EEIG1: variants seen among roughly 807,000 people sequenced by gnomAD.
EEIG1 encodes estrogen-induced osteoclastogenesis regulator 1, also known as early estrogen-induced gene 1 protein.
the EEIG1 span, among the ~76,000 whole-genome samples, chr9:127,952,992 T>C: frequency 6.6e-6 from 1 of 152,152 alleles, no homozygotes. Flanking sequence ...GCCAGGATTA[T>C]AGGCGTGAGC....
chr9:127,953,630 G>C, the EEIG1 span: 4 of 1,613,840 alleles, frequency 2.5e-6, no homozygotes, highest in Non-Finnish European at 3.4e-6. Flanking sequence ...GACACAAGCA[G>C]CAAGTTGACT....
At chr9:127,963,035 G>C in the EEIG1 span, among the ~76,000 whole-genome samples, 1 of 152,200 alleles carries the variant, frequency 6.6e-6, no homozygotes, top group Admixed American at 6.5e-5. Flanking sequence ...CAGGCTCCCT[G>C]GCCAAGCAGC....
the EEIG1 span, chr9:127,944,514 A>T: frequency 1.2e-6 from 1 of 826,148 alleles, no homozygotes; most frequent in Non-Finnish European, 2.0e-6. Flanking sequence ...CACTGTGGCG[A>T]CAAGATTTGG....
the EEIG1 span, chr9:127,953,930 G>A: frequency 6.2e-7 from 1 of 1,613,478 alleles, no homozygotes; most frequent in Non-Finnish European, 8.5e-7. Context: ...TCCTCCCTGT[G>A]GGCCAGAGGC....
chr9:127,979,005 A>C, the EEIG1 span, among the ~76,000 whole-genome samples: 1 of 152,050 alleles, frequency 6.6e-6, no homozygotes, highest in Non-Finnish European at 1.5e-5. Flanking sequence ...CAACAGAGTT[A>C]AATCGCGTCC....
At chr9:127,946,330 G>T in the EEIG1 span, among the ~76,000 whole-genome samples, 46 of 152,340 alleles carry the variant, frequency 3.0e-4, no homozygotes, top group Admixed American at 5.2e-4. Context: ...TCACCCATAA[G>T]CCCAACTTCA....
the EEIG1 span, chr9:127,945,739 G>C: frequency 6.4e-7 from 1 of 1,568,950 alleles, no homozygotes. This position sits in a 1 kb window ranked among gnomAD's most constrained non-coding sequence, Gnocchi z 6.5. Context: ...TTCTGGTCGG[G>C]TTCCTCTGGC....
the EEIG1 span, chr9:127,950,298 C>T: frequency 1.1e-6 from 1 of 950,222 alleles, no homozygotes; most frequent in Non-Finnish European, 1.6e-6. Context: ...TCGCCCCTTC[C>T]CGATGTCTAC....
the EEIG1 span, among the ~76,000 whole-genome samples, chr9:127,971,335 G>A: frequency 6.6e-6 from 1 of 152,110 alleles, no homozygotes; most frequent in Non-Finnish European, 1.5e-5. Context: ...CGTGCTTGGA[G>A]TCAGGCCCCA....
At chr9:127,961,475 C>T in the EEIG1 span, among the ~76,000 whole-genome samples, 2 of 152,190 alleles carry the variant, frequency 1.3e-5, no homozygotes, top group African/African-American at 2.4e-5. Flanking sequence ...TTGATCCATT[C>T]AGAAACCTTT....
chr9:127,968,590 G>A, the EEIG1 span, among the ~76,000 whole-genome samples: 655 of 152,312 alleles, frequency 4.3e-3, 5 homozygotes, highest in African/African-American at 0.015. Flanking sequence ...CACCTTCATG[G>A]AAGGGTAGGG....
At chr9:127,970,427 C>T in the EEIG1 span, among the ~76,000 whole-genome samples, 356 of 152,282 alleles carry the variant, frequency 2.3e-3, 1 homozygote, top group African/African-American at 8.0e-3. Flanking sequence ...CCGCATCATA[C>T]ACTCTTTTGT....
the EEIG1 span, chr9:127,963,579 C>G: frequency 1.3e-5 from 2 of 152,356 alleles, no homozygotes; most frequent in East Asian, 1.9e-4. Flanking sequence ...CTGGAAACAG[C>G]AGAACACCCC....
the EEIG1 span, among the ~76,000 whole-genome samples, chr9:127,967,977 CTTT>C: frequency 9.6e-3 from 957 of 99,242 alleles, 4 homozygotes; most frequent in Non-Finnish European, 0.01. Context: ...TTCCCCAGGT[CTTT>C]TTTTTTTTTT....
At chr9:127,953,586 C>A in the EEIG1 span, 6 of 1,614,124 alleles carry the variant, frequency 3.7e-6, no homozygotes, top group Non-Finnish European at 5.1e-6. Context: ...TTGGAATAAG[C>A]CTTCCCGCCT....
chr9:127,971,159 C>A, the EEIG1 span, among the ~76,000 whole-genome samples: 2 of 152,240 alleles, frequency 1.3e-5, no homozygotes, highest in South Asian at 2.1e-4. Context: ...GCCACCTCCT[C>A]TCTGGGCAGG....
chr9:127,979,865 G>T, the EEIG1 span: 3 of 1,207,928 alleles, frequency 2.5e-6, no homozygotes, highest in Non-Finnish European at 3.4e-6. Flanking sequence ...TGTGCAACCT[G>T]CCCCAGGCAC....
chr9:127,944,829 G>A, the EEIG1 span: 16 of 1,612,178 alleles, frequency 9.9e-6, no homozygotes, highest in South Asian at 8.8e-5. Context: ...TCTTCTCCAC[G>A]ATGGCATCCG....
At chr9:127,980,107 T>C in the EEIG1 span, 2 of 1,613,498 alleles carry the variant, frequency 1.2e-6, no homozygotes, top group South Asian at 1.1e-5. Context: ...GTTTGGAATT[T>C]GAATTTCTTC....
Sources: allele counts gnomAD v4.1 joint callset (sites outside exome capture counted in the v4.1 genomes callset), GRCh38; gene constraint gnomAD v4.1.1; non-coding constraint Gnocchi (gnomAD v3.1); transcripts MANE v1.5; gene names NCBI Gene and HGNC (gene_info 2026-07-23, HGNC 2026-07-21).